Variants in UTS2 observed in about 807,000 individuals in gnomAD.
UTS2 encodes urotensin 2.
A neutral mutation model predicts 12.6 loss-of-function variants in UTS2; 10 were observed. That is an observed-to-expected ratio of 0.80 (90% CI 0.49 to 1.35). The LOEUF (loss-of-function observed/expected upper bound fraction) is 1.35, where lower values mean the gene tolerates loss of function less well. Ranked by LOEUF, UTS2 falls within the 40% of genes most tolerant of loss-of-function variation. UTS2 has a pLI of 0.00. For synonymous variants in UTS2, 52 were observed against 50.0 expected (o/e 1.04, Z -0.17); for missense variants, 142 against 143.2 (o/e 0.99, Z 0.04).
chr1:7,897,707 C>T, the UTS2 span, among the ~76,000 whole-genome samples: 1 of 152,174 alleles, frequency 6.6e-6, no homozygotes. Context: ...TTGCCTCAAC[C>T]TCCTGAGTAG....
At chr1:7,897,182 A>T in the UTS2 span, among the ~76,000 whole-genome samples, 10 of 152,140 alleles carry the variant, frequency 6.6e-5, no homozygotes, top group Non-Finnish European at 1.2e-4. Context: ...GTTCTTGGGG[A>T]TATTCCTGTT....
intron 3 of UTS2, among the ~76,000 whole-genome samples, chr1:7,848,837 A>G (rs1160561643): frequency 6.6e-6 from 1 of 152,100 alleles, no homozygotes; most frequent in East Asian, 1.9e-4. Context: ...CGTTCAGGTC[A>G]ATGTCTGGAG....
chr1:7,897,914 A>T, the UTS2 span, among the ~76,000 whole-genome samples: 2 of 152,078 alleles, frequency 1.3e-5, no homozygotes, highest in East Asian at 3.9e-4. Context: ...TATATGTCGC[A>T]TCCTTCTTTT....
At chr1:7,908,151 TAGTC>T in the UTS2 span, among the ~76,000 whole-genome samples, 2 of 151,560 alleles carry the variant, frequency 1.3e-5, no homozygotes, top group African/African-American at 4.9e-5. Context: ...ATAGAAAAAT[TAGTC>T]AGGCATGGTG....
the UTS2 span, among the ~76,000 whole-genome samples, chr1:7,894,754 G>A: frequency 6.6e-6 from 1 of 151,892 alleles, no homozygotes; most frequent in African/African-American, 2.4e-5. Context: ...GGCTGAGGCG[G>A]GCAGATCACG....
chr1:7,889,766 A>C, the UTS2 span, among the ~76,000 whole-genome samples: 1 of 151,118 alleles, frequency 6.6e-6, no homozygotes, highest in Non-Finnish European at 1.5e-5. Flanking sequence ...GGTTGCAGTG[A>C]GCCAACATTG....
At chr1:7,872,338 AAAAG>A in the UTS2 span, among the ~76,000 whole-genome samples, 1 of 138,656 alleles carries the variant, frequency 7.2e-6, no homozygotes, top group East Asian at 2.6e-4. Context: ...AAAAAAAAGA[AAAAG>A]AAAAAAAAGA....
At chr1:7,851,184 G>C (rs1296932335) in intron 1 of UTS2, among the ~76,000 whole-genome samples, 2 of 152,196 alleles carry the variant, frequency 1.3e-5, no homozygotes, top group African/African-American at 2.4e-5. Context: ...CCTCGAACAA[G>C]AGCTGAGGGA....
the UTS2 span, among the ~76,000 whole-genome samples, chr1:7,879,400 C>A: frequency 2.0e-5 from 3 of 152,276 alleles, no homozygotes; most frequent in South Asian, 6.2e-4. Flanking sequence ...ATGACATGCT[C>A]CTGAGTGACC....
the UTS2 span, among the ~76,000 whole-genome samples, chr1:7,900,575 G>A: frequency 6.6e-6 from 1 of 151,750 alleles, no homozygotes; most frequent in Non-Finnish European, 1.5e-5. Context: ...TCAGGAGTTC[G>A]AGACTGGCCT....
At chr1:7,907,440 A>T in the UTS2 span, among the ~76,000 whole-genome samples, 1 of 151,890 alleles carries the variant, frequency 6.6e-6, no homozygotes, top group Non-Finnish European at 1.5e-5. Flanking sequence ...GAACACAAGG[A>T]GTTTGAGAGC....
At chr1:7,863,046 TTGTA>T in the UTS2 span, among the ~76,000 whole-genome samples, 2 of 35,492 alleles carry the variant, frequency 5.6e-5, no homozygotes, top group Non-Finnish European at 1.4e-4. Flanking sequence ...TTGTATTGTA[TTGTA>T]TTGTATTGTA....
the UTS2 span, among the ~76,000 whole-genome samples, chr1:7,897,157 C>T: frequency 2.6e-5 from 4 of 152,148 alleles, no homozygotes; most frequent in Non-Finnish European, 5.9e-5. Context: ...TTACTTTTTA[C>T]TATGTTAACA....
At chr1:7,912,494 C>T in the UTS2 span, among the ~76,000 whole-genome samples, 1 of 152,134 alleles carries the variant, frequency 6.6e-6, no homozygotes, top group Non-Finnish European at 1.5e-5. Flanking sequence ...CACTCTGTTG[C>T]CCATGCTGGA....
chr1:7,898,824 T>C, the UTS2 span, among the ~76,000 whole-genome samples: 5 of 152,258 alleles, frequency 3.3e-5, no homozygotes, highest in South Asian at 6.2e-4. Context: ...TGCCTGGAAA[T>C]GTTCAAGGCC....
the UTS2 span, among the ~76,000 whole-genome samples, chr1:7,889,754 G>A: frequency 6.6e-6 from 1 of 151,602 alleles, no homozygotes; most frequent in African/African-American, 2.4e-5. Flanking sequence ...CTGGGAGATG[G>A]AGGTTGCAGT....
chr1:7,858,031 G>A (rs553816481), upstream of UTS2, among the ~76,000 whole-genome samples: 1 of 152,164 alleles, frequency 6.6e-6, no homozygotes, highest in Non-Finnish European at 1.5e-5. Flanking sequence ...TCAAAATGAG[G>A]TGGGAGATGA....
At chr1:7,895,334 A>G in the UTS2 span, among the ~76,000 whole-genome samples, 4 of 152,054 alleles carry the variant, frequency 2.6e-5, no homozygotes, top group African/African-American at 7.3e-5. Context: ...GAGCCACTGC[A>G]CTCCAGCCTG....
the UTS2 span, among the ~76,000 whole-genome samples, chr1:7,884,415 C>T: frequency 2.0e-5 from 3 of 151,778 alleles, no homozygotes; most frequent in East Asian, 1.9e-4. Context: ...GATCCTCCTG[C>T]CTCAGCCTCC....
Sources: allele counts gnomAD v4.1 joint callset (sites outside exome capture counted in the v4.1 genomes callset), GRCh38; gene constraint gnomAD v4.1.1; transcripts MANE v1.5; gene names NCBI Gene and HGNC (gene_info 2026-07-23, HGNC 2026-07-21).